Variants in CFAP61 observed in about 807,000 individuals in gnomAD.
The protein encoded by CFAP61 is cilia- and flagella-associated protein 61.
CFAP61 carries 107 observed loss-of-function variants against 135.6 expected under a neutral mutation model. The observed-to-expected ratio is 0.79, with a 90% CI of 0.67 to 0.93. The LOEUF is 0.93. Among genes scored for constraint, CFAP61 ranks in the 40% least tolerant of loss-of-function variants. CFAP61 has a pLI of 0.00. For synonymous variants in CFAP61, 575 were observed against 578.5 expected (o/e 0.99, Z 0.09); for missense variants, 1,507 against 1,556.2 (o/e 0.97, Z 0.53).
chr20:20,337,258 T>C lies in CFAP61; in HGVS notation c.3423-4573T>C, dbSNP rs867327609. On this transcript the variant is annotated intron_variant, in intron 25 of 26. Coordinates refer to ENST00000245957, the MANE Select transcript of CFAP61 (RefSeq NM_015585.4). ...ATGGATGCATGGATGGATGGATGGA[T>C]GGACAGAATGGGTGGGTGGATGGAT... Among the ~76,000 whole-genome samples, 757 of 145,134 alleles carry C rather than the reference T, an allele frequency of 5.2e-3. 20 individuals are homozygous for C. Among genetic ancestry groups the C allele is most frequent in the African/African-American group, 0.019 (724 of 37,890 alleles).
chr20:20,329,842 C>T (rs558561899), intron 25 of CFAP61, among the ~76,000 whole-genome samples: 1 of 152,382 alleles, frequency 6.6e-6, no homozygotes, highest in Admixed American at 6.5e-5. Flanking sequence ...TAGATCCTCC[C>T]CGTGCCTCTG....
intron 9 of CFAP61, among the ~76,000 whole-genome samples, chr20:20,158,819 C>T (rs62200313): frequency 0.9 from 136,929 of 151,916 alleles, 62,519 homozygotes; most frequent in Middle Eastern, 0.99. Flanking sequence ...ATCTTGATCA[C>T]AGTGATATTT....
chr20:20,062,649 G>T (rs543683168), intron 2 of CFAP61, among the ~76,000 whole-genome samples: 11 of 152,244 alleles, frequency 7.2e-5, no homozygotes, highest in African/African-American at 2.4e-4. Context: ...TCAAAGTAAT[G>T]TGAAAAGGAC....
chr20:20,080,936 A>T (rs556378000), intron 6 of CFAP61, among the ~76,000 whole-genome samples: 1 of 151,974 alleles, frequency 6.6e-6, no homozygotes, highest in South Asian at 2.1e-4. Context: ...TGGGAGGCGG[A>T]GGTTGCAGTG....
At chr20:20,140,256 A>G (rs911109337) in intron 8 of CFAP61, among the ~76,000 whole-genome samples, 6 of 150,510 alleles carry the variant, frequency 4.0e-5, no homozygotes, top group African/African-American at 1.2e-4. Flanking sequence ...GGTTTGTTAC[A>G]TATGTATACA....
chr20:20,205,819 CA>C (rs1485240822), intron 17 of CFAP61, among the ~76,000 whole-genome samples: 4 of 152,172 alleles, frequency 2.6e-5, no homozygotes, highest in Admixed American at 6.5e-5. Context: ...TTTGTTGTTA[CA>C]AAAAACCTTT....
chr20:20,060,690 G>A (rs548647294), intron 2 of CFAP61, among the ~76,000 whole-genome samples: 64 of 152,244 alleles, frequency 4.2e-4, no homozygotes, highest in African/African-American at 1.5e-3. Context: ...ATCATGGCTC[G>A]CCTTATGCAG....
At chr20:20,090,757 A>T in intron 6 of CFAP61, 87 bp from the exon 7 acceptor site, 1 of 1,377,894 alleles carries the variant, frequency 7.3e-7, no homozygotes, top group Non-Finnish European at 1.0e-6. Flanking sequence ...CCCGGCACTT[A>T]GAACAGGGTC....
intron 26 of CFAP61, 116 bp from the exon 27 acceptor site, chr20:20,360,090 GAAAA>G: frequency 1.3e-6 from 1 of 746,330 alleles, no homozygotes; most frequent in South Asian, 1.7e-5. Context: ...TCAAAAGCTA[GAAAA>G]AAAATGACCA....
chr20:20,077,638 A>G (rs1463494295), intron 6 of CFAP61, among the ~76,000 whole-genome samples: 1 of 152,238 alleles, frequency 6.6e-6, no homozygotes, highest in African/African-American at 2.4e-5. Flanking sequence ...ATAAGACACA[A>G]ATCAATAAAT....
Position 20,251,772 on chromosome 20 carries a change from G to C in CFAP61, c.2328+9G>C. 3 of 1,612,126 alleles carry C rather than the reference G, an allele frequency of 1.9e-6. No homozygotes were observed. Among genetic ancestry groups the C allele is most frequent in the Non-Finnish European group, 2.5e-6 (3 of 1,179,842 alleles). On this transcript the variant is annotated intron_variant, in intron 20 of 26. Coordinates refer to ENST00000245957, the MANE Select transcript of CFAP61 (RefSeq NM_015585.4). Reference sequence around the variant, plus strand: ...CCGGGCAGCAGTACCAGGTAAGGCCGGGCACAGGGGGCGCAAGCCACGTGT... The same window carrying C: ...CCGGGCAGCAGTACCAGGTAAGGCCCGGCACAGGGGGCGCAAGCCACGTGT...
intron 26 of CFAP61, among the ~76,000 whole-genome samples, chr20:20,346,958 T>C (rs2058657040): frequency 2.0e-5 from 3 of 152,250 alleles, no homozygotes; most frequent in Admixed American, 2.0e-4. Context: ...ATGCACATTC[T>C]TCTCAAGTGC....
intron 25 of CFAP61, among the ~76,000 whole-genome samples, chr20:20,337,779 A>G (rs548297941): frequency 1.3e-5 from 2 of 152,226 alleles, no homozygotes; most frequent in South Asian, 2.1e-4. Flanking sequence ...GGTGTTTACA[A>G]TCCTGCCTGC....
intron 2 of CFAP61, among the ~76,000 whole-genome samples, chr20:20,067,659 AT>A (rs201300409): frequency 0.055 from 7,747 of 141,816 alleles, 251 homozygotes; most frequent in East Asian, 0.11. Context: ...ATATATATAT[AT>A]ATAATATATA....
intron 25 of CFAP61, among the ~76,000 whole-genome samples, chr20:20,338,023 C>T (rs1275690169): frequency 2.6e-5 from 4 of 152,204 alleles, no homozygotes; most frequent in South Asian, 2.1e-4. Context: ...AAAGTAGATG[C>T]GTCCATATAT....
intron 9 of CFAP61, among the ~76,000 whole-genome samples, chr20:20,151,790 A>G (rs2052445658): frequency 7.1e-6 from 1 of 141,304 alleles, no homozygotes; most frequent in Non-Finnish European, 1.5e-5. Flanking sequence ...AGATGGCGCC[A>G]CTGCACTCCT....
intron 20 of CFAP61, among the ~76,000 whole-genome samples, chr20:20,257,620 C>CAAAAAAAA (rs147860452): frequency 7.7e-4 from 44 of 57,484 alleles, no homozygotes; most frequent in East Asian, 5.3e-3. Context: ...TCAAAAAAAA[C>CAAAAAAAA]AAAAAAACAA....
At chr20:20,176,619 C>T (rs1488970373) in intron 13 of CFAP61, among the ~76,000 whole-genome samples, 1 of 152,134 alleles carries the variant, frequency 6.6e-6, no homozygotes, top group Non-Finnish European at 1.5e-5. Flanking sequence ...GAAAACCAAA[C>T]ACCGCACGTT....
At chr20:20,140,585 GA>G (rs1424964057) in intron 8 of CFAP61, among the ~76,000 whole-genome samples, 1 of 152,174 alleles carries the variant, frequency 6.6e-6, no homozygotes, top group Non-Finnish European at 1.5e-5. Context: ...AGAGGATGTG[GA>G]GAAATATGAA....
Sources: allele counts gnomAD v4.1 joint callset (sites outside exome capture counted in the v4.1 genomes callset), GRCh38; gene constraint gnomAD v4.1.1; transcripts MANE v1.5; gene names NCBI Gene and HGNC (gene_info 2026-07-23, HGNC 2026-07-21).